Variants in SLC12A3 observed in about 807,000 individuals in gnomAD.
SLC12A3 encodes the protein Na-Cl cotransporter.
Under a neutral mutation model 121.0 loss-of-function variants are expected in SLC12A3, and 104 were observed. That is an observed-to-expected ratio of 0.86 (90% CI 0.73 to 1.01). SLC12A3 has a LOEUF of 1.01. SLC12A3 is among the 50% of genes least tolerant of loss of function. The probability of loss-of-function intolerance (pLI) is 0.00; values close to 1 mark genes in which losing one functional copy is unlikely to be tolerated. For synonymous variants in SLC12A3, 536 were observed against 533.4 expected, an observed-to-expected ratio of 1.00 and a Z score of -0.07; for missense variants, 1,328 against 1,356.3, an observed-to-expected ratio of 0.98 and a Z score of 0.33.
At chr16:56,882,539 G>A (rs771134640) in intron 13 of SLC12A3, 42 bp downstream of exon 13, 5 of 1,496,452 alleles carry the variant, frequency 3.3e-6, no homozygotes, top group Admixed American at 1.7e-5. Flanking sequence ...GGCACCCAGG[G>A]GGCAGGAGGA....
chr16:56,870,168 T>C lies in SLC12A3; in HGVS notation c.674T>C (p.Phe225Ser). 1 of 1,614,122 alleles carries C rather than the reference T, an allele frequency of 6.2e-7. No homozygotes were observed. Among genetic ancestry groups the C allele is most frequent in the Non-Finnish European group, 8.5e-7 (1 of 1,180,046 alleles). ...LGGSIGLIFA[F>S]ANAVGVAMHT... ...GGCTCCATCGGCCTCATTTTCGCTT[T>C]CGCCAATGCCGTGGGTGTGGCCATG... Residue 225 changes from phenylalanine to serine, a missense_variant, in exon 5 of 26, where the codon TTC becomes TCC. Phe to Ser is a radical substitution (Grantham distance 155). Transcript: ENST00000563236.
chr16:56,866,330 G>C (rs1301418623), intron 1 of SLC12A3, among the ~76,000 whole-genome samples: 1 of 152,146 alleles, frequency 6.6e-6, no homozygotes. Flanking sequence ...TAAATTCGCA[G>C]GCCTTTTCTC....
chr16:56,881,415 C>G (rs1327321342), intron 12 of SLC12A3, among the ~76,000 whole-genome samples: 1 of 151,716 alleles, frequency 6.6e-6, no homozygotes, highest in African/African-American at 2.4e-5. Flanking sequence ...CTGCAATGTA[C>G]CCTGATGCAG....
At chr16:56,882,817 C>T (rs1170928258) in intron 13 of SLC12A3, among the ~76,000 whole-genome samples, 2 of 151,934 alleles carry the variant, frequency 1.3e-5, no homozygotes, top group African/African-American at 4.8e-5. Context: ...TAGCGGTCAC[C>T]TGTAATCCAA....
chr16:56,870,403 T>C (rs1477875860), intron 5 of SLC12A3, among the ~76,000 whole-genome samples, 168 bp downstream of exon 5: 2 of 152,230 alleles, frequency 1.3e-5, no homozygotes, highest in African/African-American at 2.4e-5. Context: ...ATAAAGGCCA[T>C]TGCTTTCCCA....
intron 24 of SLC12A3, among the ~76,000 whole-genome samples, chr16:56,903,543 C>T (rs1469010906): frequency 3.3e-5 from 5 of 152,200 alleles, no homozygotes; most frequent in African/African-American, 1.2e-4. Flanking sequence ...AAACATCCTA[C>T]GATGTGCAGG....
chr16:56,892,854 C>A, intron 20 of SLC12A3, 99 bp from the exon 21 acceptor site: 1 of 897,230 alleles, frequency 1.1e-6, no homozygotes, highest in Admixed American at 2.0e-5. Flanking sequence ...CCAGAGAACC[C>A]GTGTTCAACA....
intron 6 of SLC12A3, among the ~76,000 whole-genome samples, chr16:56,871,975 G>A (rs1399985570): frequency 6.6e-6 from 1 of 151,996 alleles, no homozygotes; most frequent in African/African-American, 2.4e-5. Flanking sequence ...CGCCCACCTC[G>A]GTCTCCCAAA....
At chr16:56,901,013 C>T (rs2055530543) in intron 23 of SLC12A3, among the ~76,000 whole-genome samples, 1 of 152,132 alleles carries the variant, frequency 6.6e-6, no homozygotes, top group Non-Finnish European at 1.5e-5. Flanking sequence ...CCACTCTTGC[C>T]AGCATCATCA....
At position 56,902,403 on chromosome 16, in the gene SLC12A3, C is replaced by T. The variant is rs1057130584; in HGVS notation, c.2751C>T (p.Pro917=). ...HTKRFEDMIA[P]FRLNDGFKDE... ...AGAGGTTTGAGGACATGATTGCACCCTTCCGTCTGAATGATGGCTTCAAGG... is the reference window on the plus strand; with the variant it reads ...AGAGGTTTGAGGACATGATTGCACCTTTCCGTCTGAATGATGGCTTCAAGG... The change falls in exon 24 of 26, where the codon CCC becomes CCT. Residue 917 remains proline (P), a synonymous_variant. Transcript: ENST00000563236. The T allele has an allele frequency of 2.5e-6, 4 of 1,613,406 alleles. No individual in the cohort carries two copies. The East Asian group carries it at 8.9e-5, about 36-fold the overall frequency.
chr16:56,870,272 C>G (rs758624975), intron 5 of SLC12A3, 37 bp downstream of exon 5: 1 of 1,602,504 alleles, frequency 6.2e-7, no homozygotes, highest in Non-Finnish European at 8.5e-7. Context: ...TAGAGGGATC[C>G]GGGCAGCCCA....
At chr16:56,886,256 A>T in intron 15 of SLC12A3, 108 bp from the exon 16 acceptor site, 1 of 766,624 alleles carries the variant, frequency 1.3e-6, no homozygotes, top group East Asian at 2.6e-5. Flanking sequence ...ATGTAGGGTC[A>T]TGCTGGTGGC....
At chr16:56,908,926 G>A (rs183858062) in intron 25 of SLC12A3, among the ~76,000 whole-genome samples, 3 of 152,330 alleles carry the variant, frequency 2.0e-5, no homozygotes, top group Admixed American at 6.5e-5. Context: ...GCCAGACCAC[G>A]GCTTAATGAG....
intron 14 of SLC12A3, 22 bp from the exon 15 acceptor site, chr16:56,885,243 C>A: frequency 7.1e-7 from 1 of 1,414,806 alleles, no homozygotes; most frequent in Non-Finnish European, 9.8e-7. Flanking sequence ...CTCTCACCCC[C>A]GTTGCTCCCT....
intron 8 of SLC12A3, among the ~76,000 whole-genome samples, chr16:56,876,478 G>T (rs918583720): frequency 5.9e-5 from 9 of 152,206 alleles, no homozygotes; most frequent in Non-Finnish European, 1.2e-4. Flanking sequence ...GCCTGCAGGG[G>T]CCCTGCAGAG....
intron 19 of SLC12A3, among the ~76,000 whole-genome samples, chr16:56,891,208 T>G (rs1347955893): frequency 6.6e-6 from 1 of 151,430 alleles, no homozygotes; most frequent in East Asian, 1.9e-4. Context: ...ACCCCATCTC[T>G]ACTAAAACAA....
At chr16:56,887,820 AG>A in intron 17 of SLC12A3, 104 bp from the exon 18 acceptor site, 1 of 146,764 alleles carries the variant, frequency 6.8e-6, no homozygotes, top group Non-Finnish European at 1.3e-5. Context: ...TTTTTTTTTG[AG>A]AATCAGCACA....
Position 56,878,159 on chromosome 16 carries a change from T to C in SLC12A3, c.1178T>C (p.Ile393Thr), listed in dbSNP as rs1273882770. The C allele has an allele frequency of 1.9e-6, 3 of 1,609,582 alleles. No individual in the cohort carries two copies. The highest frequency in any genetic ancestry group is 2.5e-6 in the Non-Finnish European group (3 of 1,178,216). ...TISYLAISAT[I>T]GSCVVRDASG... Reference sequence around the variant, plus strand: ...TCCTACCTGGCCATCTCAGCCACCATTGGTAAGTGGCCGGCCCAGCCAGTC... The same window carrying C: ...TCCTACCTGGCCATCTCAGCCACCACTGGTAAGTGGCCGGCCCAGCCAGTC... The change falls in exon 9 of 26, where the codon ATT becomes ACT. Residue 393 changes from isoleucine (I) to threonine (T), a missense_variant and splice_region_variant. Coordinates refer to ENST00000563236, the MANE Select transcript of SLC12A3 (RefSeq NM_001126108.2).
Position 56,890,339 on chromosome 16 carries a change from A to C in SLC12A3, c.2351A>C (p.Lys784Thr). The change falls in exon 19 of 26, where the codon AAG (lysine) becomes ACG (threonine). Residue 784 changes from lysine to threonine, a missense_variant. Transcript: ENST00000563236. ...ATGCGGGAGGGACTCAACGTGTCCA[A>C]GATGATGCAGGCGCACAGTGAGTAC... is the stretch of plus-strand genomic sequence containing the variant. ...MRMREGLNVS[K>T]MMQAHINPVF... 1 of 1,614,108 alleles carries C rather than the reference A, an allele frequency of 6.2e-7. No homozygotes were observed. Among genetic ancestry groups the C allele is most frequent in the African/African-American group, 1.3e-5 (1 of 75,060 alleles).
Sources: gnomAD v4.1 joint callset for allele counts (sites outside exome capture counted in the v4.1 genomes callset) on GRCh38, gnomAD v4.1.1 for gene constraint, MANE v1.5 for transcripts, NCBI Gene and HGNC (gene_info 2026-07-23, HGNC 2026-07-21) for gene names.